NRXN3: variants seen among roughly 807,000 people sequenced by gnomAD.
NRXN3 encodes the protein neurexin 3.
Under a neutral mutation model 137.6 loss-of-function variants are expected in NRXN3, and 32 were observed. The observed-to-expected ratio is 0.23, with a 90% CI of 0.18 to 0.31. NRXN3 has a LOEUF of 0.31. Among genes scored for constraint, NRXN3 ranks in the 10% least tolerant of loss-of-function variants. NRXN3 has a pLI of 1.00. For missense variants in NRXN3, 1,574 were observed against 2,062.5 expected (o/e 0.76, Z 4.59); for synonymous variants, 798 against 784.5 (o/e 1.02, Z -0.29).
At chr14:78,430,969 T>A (rs1163234943) in intron 4 of NRXN3, among the ~76,000 whole-genome samples, 1 of 152,236 alleles carries the variant, frequency 6.6e-6, no homozygotes, top group Non-Finnish European at 1.5e-5. Context: ...AGCATCTGCT[T>A]CATTCCTCTG....
chr14:78,656,509 T>C (rs2097785800), intron 6 of NRXN3, among the ~76,000 whole-genome samples: 1 of 152,140 alleles, frequency 6.6e-6, no homozygotes, highest in South Asian at 2.1e-4. Flanking sequence ...ACTGGGAGCT[T>C]TGGACTGGTA....
At chr14:78,805,296 G>A (rs114511937) in intron 9 of NRXN3, among the ~76,000 whole-genome samples, 1,936 of 152,012 alleles carry the variant, frequency 0.013, 44 homozygotes, top group African/African-American at 0.045. Context: ...GGTCATTTTA[G>A]GTTATATTTT....
chr14:78,174,229 A>G (rs999953264), intron 1 of NRXN3, among the ~76,000 whole-genome samples: 1 of 152,052 alleles, frequency 6.6e-6, no homozygotes, highest in Non-Finnish European at 1.5e-5. Flanking sequence ...TATGTGGGGG[A>G]GGCAGAGTCT....
At chr14:78,307,188 C>T (rs1318363699) in intron 4 of NRXN3, among the ~76,000 whole-genome samples, 1 of 144,152 alleles carries the variant, frequency 6.9e-6, no homozygotes, top group African/African-American at 2.6e-5. Context: ...TGCTCTTAAG[C>T]ATACAGCTTA....
At chr14:78,726,465 TC>T (rs1249872145) in intron 8 of NRXN3, among the ~76,000 whole-genome samples, 17 of 7,548 alleles carry the variant, frequency 2.3e-3, no homozygotes, top group Non-Finnish European at 5.8e-3. Flanking sequence ...TTGTAAACAC[TC>T]TTTTTTAATT....
At chr14:79,403,680 G>A (rs2153498148) in intron 15 of NRXN3, among the ~76,000 whole-genome samples, 1 of 152,220 alleles carries the variant, frequency 6.6e-6, no homozygotes, top group Middle Eastern at 3.4e-3. Context: ...AGAACTTGGT[G>A]CTTTATAAGG....
intron 4 of NRXN3, among the ~76,000 whole-genome samples, chr14:78,571,480 A>T (rs535907506): frequency 6.6e-6 from 1 of 152,220 alleles, no homozygotes; most frequent in Non-Finnish European, 1.5e-5. Context: ...GCCCTGAAGC[A>T]GGGTTGGGAA....
At chr14:79,830,937 T>C (rs1025326345) in intron 20 of NRXN3, among the ~76,000 whole-genome samples, 2 of 152,096 alleles carry the variant, frequency 1.3e-5, no homozygotes, top group African/African-American at 4.8e-5. Context: ...ATTGATGAAA[T>C]GGGAAACAGG....
intron 15 of NRXN3, among the ~76,000 whole-genome samples, chr14:79,198,991 C>T (rs1478992624): frequency 6.6e-6 from 1 of 152,074 alleles, no homozygotes; most frequent in Non-Finnish European, 1.5e-5. Flanking sequence ...ATGGTGAAAC[C>T]CTCTCTCTAC....
At chr14:79,716,841 A>T (rs1047778646) in intron 19 of NRXN3, among the ~76,000 whole-genome samples, 1 of 152,122 alleles carries the variant, frequency 6.6e-6, no homozygotes, top group African/African-American at 2.4e-5. Flanking sequence ...TTAGGATTAA[A>T]TTCATTCGTT....
At chr14:78,519,173 T>C (rs1009121010) in intron 4 of NRXN3, among the ~76,000 whole-genome samples, 9 of 152,260 alleles carry the variant, frequency 5.9e-5, no homozygotes, top group East Asian at 3.9e-4. Flanking sequence ...TTGAGACTTA[T>C]GGTAGCAAAG....
At chr14:79,292,985 G>C (rs1365138607) in intron 15 of NRXN3, among the ~76,000 whole-genome samples, 1 of 152,138 alleles carries the variant, frequency 6.6e-6, no homozygotes, top group Non-Finnish European at 1.5e-5. Flanking sequence ...GGAGAGGATA[G>C]CTTTTATGTG....
At chr14:79,651,598 A>G (rs2098476450) in intron 16 of NRXN3, among the ~76,000 whole-genome samples, 1 of 152,186 alleles carries the variant, frequency 6.6e-6, no homozygotes, top group Non-Finnish European at 1.5e-5. Context: ...AACTGATGTT[A>G]TTATTGAATA....
intron 15 of NRXN3, among the ~76,000 whole-genome samples, chr14:79,017,556 C>A (rs2099581354): frequency 6.6e-6 from 1 of 152,042 alleles, no homozygotes; most frequent in South Asian, 2.1e-4. Context: ...TCACTCTAGA[C>A]AAGAAACATT....
At chr14:79,257,359 TG>T in intron 15 of NRXN3, among the ~76,000 whole-genome samples, 1 of 111,852 alleles carries the variant, frequency 8.9e-6, no homozygotes, top group South Asian at 3.3e-4. Context: ...GTGGTGGTGG[TG>T]GTGGTGGTGG....
In NRXN3 at chr14:79,563,536, C is replaced by T. The variant is rs528226686; in HGVS notation, c.3444+96134C>T. 2.6e-5 allele frequency among the ~76,000 whole-genome samples: 4 copies of T among 152,006 alleles called. No homozygotes were observed. In the East Asian group the frequency reaches 7.8e-4, roughly 29 times the overall value. ...TTTGAGAATGTGACCATAAAATTGACAGGGATTAACTTTAATATTTGACTA... is the reference window on the plus strand; with the variant it reads ...TTTGAGAATGTGACCATAAAATTGATAGGGATTAACTTTAATATTTGACTA... On this transcript the variant is annotated intron_variant, in intron 16 of 20. Coordinates refer to ENST00000335750, the MANE Select transcript of NRXN3 (RefSeq NM_001330195.2).
At chr14:79,604,680 AG>A (rs2097978588) in intron 16 of NRXN3, among the ~76,000 whole-genome samples, 2 of 152,206 alleles carry the variant, frequency 1.3e-5, no homozygotes, top group East Asian at 3.9e-4. Flanking sequence ...GAAGATAAAA[AG>A]CTACCATTGT....
At chr14:78,888,073 A>T (rs555833571) in intron 10 of NRXN3, among the ~76,000 whole-genome samples, 92 of 152,104 alleles carry the variant, frequency 6.0e-4, no homozygotes, top group Non-Finnish European at 4.7e-4. Context: ...CTTTAAAAAG[A>T]TGTTTCTAAA....
At chr14:79,533,361 C>G (rs546781417) in intron 16 of NRXN3, among the ~76,000 whole-genome samples, 4 of 152,156 alleles carry the variant, frequency 2.6e-5, no homozygotes, top group African/African-American at 9.6e-5. Flanking sequence ...ATTTTTGTTT[C>G]ATTCAGTGCA....
Sources: allele counts gnomAD v4.1 joint callset (sites outside exome capture counted in the v4.1 genomes callset), GRCh38; gene constraint gnomAD v4.1.1; transcripts MANE v1.5; gene names NCBI Gene and HGNC (gene_info 2026-07-23, HGNC 2026-07-21).